LAMA5: variants seen among roughly 807,000 people sequenced by gnomAD.
The protein encoded by LAMA5 is laminin subunit alpha-5.
LAMA5 carries 260 observed loss-of-function variants against 433.4 expected under a neutral mutation model. That is an observed-to-expected ratio of 0.60 (90% confidence interval 0.54 to 0.66). The LOEUF is 0.66. Ranked by LOEUF, LAMA5 falls within the 30% of genes least tolerant of loss-of-function variation. LAMA5 has a pLI of 0.00. For missense variants in LAMA5, 5,378 were observed against 5,258.5 expected (o/e 1.02, Z -0.70); for synonymous variants, 2,620 against 2,226.6 (o/e 1.18, Z -4.97).
chr20:62,347,025 C>T lies in LAMA5; in HGVS notation c.960G>A (p.Leu320=). The change falls in exon 7 of 80, where the codon CTG becomes CTA. Residue 320 remains leucine (L), a synonymous_variant. Transcript: ENST00000252999. The part of the protein sequence containing the change: ...DAKDPTDPFR[L]QCTCQHNTCG... ...AGGTGTTGTGCTGGCAGGTGCACTG[C>T]AGCCTGTGGGGTACACAGGAGGGGG... 2 of 1,610,516 alleles carry T rather than the reference C, an allele frequency of 1.2e-6. No individual in the cohort carries two copies. Among genetic ancestry groups the T allele is most frequent in the Non-Finnish European group, 8.5e-7 (1 of 1,179,412 alleles).
chr20:62,320,462 C>A, intron 50 of LAMA5, 97 bp downstream of exon 50: 1 of 900,252 alleles, frequency 1.1e-6, no homozygotes, highest in Non-Finnish European at 1.7e-6. Context: ...GACACATGTA[C>A]GAGGCATGAA....
At chr20:62,331,163 G>A (rs987284630) in intron 28 of LAMA5, 34 bp from the exon 29 acceptor site, 24 of 1,451,724 alleles carry the variant, frequency 1.7e-5, no homozygotes, top group Middle Eastern at 1.8e-4. Context: ...TGCAACGCCC[G>A]TGGTGCGGGG....
intron 11 of LAMA5, among the ~76,000 whole-genome samples, chr20:62,342,547 C>T (rs933591074): frequency 4.0e-5 from 6 of 151,854 alleles, no homozygotes; most frequent in Non-Finnish European, 7.4e-5. Flanking sequence ...GGCGTGGTGG[C>T]GGGCACCTGT....
intron 1 of LAMA5, 71 bp downstream of exon 1, chr20:62,366,878 C>T: frequency 8.1e-7 from 1 of 1,228,964 alleles, no homozygotes; most frequent in East Asian, 3.2e-5. Context: ...CGGCGCTCCC[C>T]CTGGGGTCGG....
chr20:62,311,849 C>CA lies in LAMA5; in HGVS notation c.9636-66dup, dbSNP rs1232580871. ...CTGCCCACCCCCACCTCAGAGGAGA[C>CA]AGAGGTCCAGGCAAGTGCAGGCGGG... On this transcript the variant is annotated intron_variant, in intron 70 of 79. Coordinates refer to ENST00000252999, the MANE Select transcript of LAMA5 (RefSeq NM_005560.6). 5.9e-6 allele frequency: 8 copies of CA among 1,347,772 alleles called. No individual in the cohort carries two copies. The African/African-American group carries it at 1.2e-4, about 20-fold the overall frequency. 83.5% of individuals were successfully genotyped at this position (1,347,772 alleles called of 1,614,324 possible). A position where few individuals can be genotyped will look rare whatever the true frequency, so the allele number is the denominator to read the frequency against.
At chr20:62,349,701 A>G (rs547161995) in intron 6 of LAMA5, among the ~76,000 whole-genome samples, 6 of 32 alleles carry the variant, frequency 0.19, no homozygotes, top group African/African-American at 0.33. Flanking sequence ...GGTGATGGTG[A>G]TGGTGATGGT....
chr20:62,318,454 C>T lies in LAMA5; in HGVS notation c.7239G>A (p.Leu2413=). 1.3e-6 allele frequency: 2 copies of T among 1,599,070 alleles called. No individual in the cohort carries two copies. Among genetic ancestry groups the T allele is most frequent in the African/African-American group, 1.4e-5 (1 of 73,690 alleles). ...SRNQERLEEA[L]QRKQELSRDN... ...GGAAGAACAAGTCCGGGGTCCTCAC[C>T]AGGGCTTCCTCCAGGCGCTCCTGGT... Residue 2413 remains leucine (L), a splice_region_variant and synonymous_variant, in exon 53 of 80, where the codon CTG becomes CTA. Coordinates refer to ENST00000252999, the MANE Select transcript of LAMA5 (RefSeq NM_005560.6).
chr20:62,338,720 A>G (rs1982114801), intron 11 of LAMA5, 112 bp from the exon 12 acceptor site: 1 of 1,075,882 alleles, frequency 9.3e-7, no homozygotes, highest in African/African-American at 1.6e-5. Context: ...TTTACACAAC[A>G]CTAACTAGAA....
rs566213796 is a variant in LAMA5 at position 62,320,588 on chromosome 20, C to T, written c.6730G>A (p.Gly2244Arg). The change falls in exon 50 of 80, where the codon GGG becomes AGG. Residue 2244 changes from glycine to arginine, a missense_variant. Coordinates refer to ENST00000252999, the MANE Select transcript of LAMA5 (RefSeq NM_005560.6). Reference sequence around the variant, plus strand: ...CCGCCTAGCCGCCGTGCGTCCTGCCCGAGGCTTGTGCTCTGCTGCTCCAGC... The same window carrying T: ...CCGCCTAGCCGCCGTGCGTCCTGCCTGAGGCTTGTGCTCTGCTGCTCCAGC... ...EVLEQQSTSLGQDARRLGGQA... is the reference protein window; with the variant it reads ...EVLEQQSTSLRQDARRLGGQA... 331 of 1,603,830 alleles carry T rather than the reference C, an allele frequency of 2.1e-4. No individual in the cohort carries two copies. In the East Asian group the frequency reaches 2.8e-3, roughly 14 times the overall value.
At chr20:62,362,055 G>A (rs920673030) in intron 2 of LAMA5, among the ~76,000 whole-genome samples, 2 of 152,096 alleles carry the variant, frequency 1.3e-5, no homozygotes, top group African/African-American at 2.4e-5. Flanking sequence ...ACAGCAGGGC[G>A]CCTGACGCAG....
intron 52 of LAMA5, 58 bp from the exon 53 acceptor site, chr20:62,318,708 T>C (rs1444256709): frequency 1.3e-6 from 2 of 1,584,614 alleles, no homozygotes; most frequent in South Asian, 1.1e-5. Flanking sequence ...TCATGACCCC[T>C]GGTCTCCACT....
In LAMA5 at chr20:62,336,399, C is replaced by T. The variant is rs1243003512; in HGVS notation, c.2264G>A (p.Cys755Tyr). Residue 755 changes from cysteine (C) to tyrosine (Y), a missense_variant, in exon 18 of 80, where the codon TGT becomes TAT. Transcript: ENST00000252999. Reference protein sequence around the residue: ...MCRAHVEGPSCDRCKPGFWGL... With the variant: ...MCRAHVEGPSYDRCKPGFWGL... The stretch of plus-strand genomic sequence containing the variant: ...CCAGAACCCAGGTTTGCAGCGGTCA[C>T]AGCTCGGCCCCTCCACGTGAGCCCG... 1.2e-6 allele frequency: 2 copies of T among 1,612,498 alleles called. No individual in the cohort carries two copies. The highest frequency in any genetic ancestry group is 1.7e-6 in the Non-Finnish European group (2 of 1,179,846).
chr20:62,323,701 G>A (rs1978747942), intron 44 of LAMA5, 31 bp from the exon 45 acceptor site: 1 of 1,594,092 alleles, frequency 6.3e-7, no homozygotes, highest in African/African-American at 1.3e-5. Flanking sequence ...GGCCGTCAGT[G>A]GCCCGTGGCG....
chr20:62,323,420 C>A (rs1257581703), intron 45 of LAMA5, 36 bp downstream of exon 45: 8 of 1,480,152 alleles, frequency 5.4e-6, no homozygotes, highest in Non-Finnish European at 7.2e-6. Context: ...CCGCGCAACC[C>A]TCCCCAGGGT....
rs746901483 is a variant in LAMA5, at chr20:62,315,176, C to T, written c.7899G>A (p.Lys2633=). Reference sequence around the variant, plus strand: ...TGTCCTGGGCTTCAGCAGCCACAGCCTTGGCATGTGCGATCTTCTTGCTTG... The same window carrying T: ...TGTCCTGGGCTTCAGCAGCCACAGCTTTGGCATGTGCGATCTTCTTGCTTG... ...DETSKKIAHA[K]AVAAEAQDTA... The change falls in exon 59 of 80, where the codon AAG becomes AAA. Residue 2633 remains lysine (K), a synonymous_variant. Coordinates refer to ENST00000252999, the MANE Select transcript of LAMA5 (RefSeq NM_005560.6). The T allele has an allele frequency of 4.2e-5, 68 of 1,610,432 alleles. No homozygotes were observed. The highest frequency in any genetic ancestry group is 5.5e-5 in the Non-Finnish European group (65 of 1,179,228).
chr20:62,330,340 C>T (rs1184239705), intron 31 of LAMA5, 148 bp downstream of exon 31: 3 of 1,198,684 alleles, frequency 2.5e-6, no homozygotes, highest in Non-Finnish European at 3.4e-6. Context: ...GGGCTGCGGG[C>T]TGCAAGGGCA....
Position 62,326,741 on chromosome 20 carries a change from G to T in LAMA5, c.5234C>A (p.Thr1745Lys). Residue 1745 changes from threonine to lysine, a missense_variant, in exon 40 of 80, where the codon ACA (threonine) becomes AAA (lysine). By Grantham distance (78) the Thr-to-Lys change is moderately conservative. Coordinates refer to ENST00000252999, the MANE Select transcript of LAMA5 (RefSeq NM_005560.6). Reference sequence around the variant, plus strand: ...CGTGGGGTATGCCGGCTCCAGGAATGTGATGCTCATCTGGTTGCCCTGGGA... The same window carrying T: ...CGTGGGGTATGCCGGCTCCAGGAATTTGATGCTCATCTGGTTGCCCTGGGA... ...VVLQGNQMSI[T>K]FLEPAYPTPG... 1 of 1,613,046 alleles carries T rather than the reference G, an allele frequency of 6.2e-7. No homozygotes were observed.
chr20:62,313,300 G>A (rs1183473183), intron 64 of LAMA5, 27 bp downstream of exon 64: 3 of 1,077,544 alleles, frequency 2.8e-6, no homozygotes, highest in Non-Finnish European at 2.6e-6. Context: ...GGGGTGGGTG[G>A]AGACGGGGAG....
chr20:62,351,617 C>T (rs1984296777), intron 6 of LAMA5, 87 bp downstream of exon 6: 5 of 1,322,878 alleles, frequency 3.8e-6, no homozygotes, highest in Admixed American at 2.0e-5. Context: ...AGGTCACCCA[C>T]CCTCAGGTTA....
Sources: allele counts gnomAD v4.1 joint callset (sites outside exome capture counted in the v4.1 genomes callset), GRCh38; gene constraint gnomAD v4.1.1; transcripts MANE v1.5; gene names NCBI Gene and HGNC (gene_info 2026-07-23, HGNC 2026-07-21).